The following UNC80 variants were observed in gnomAD, a reference collection of about 807,000 sequenced individuals.
UNC80 encodes the protein unc-80 subunit of NALCN channel complex.
In UNC80, 164 loss-of-function variants were observed where a neutral mutation model predicts 384.6. The observed-to-expected ratio is 0.43, with a 90% CI of 0.38 to 0.49. The LOEUF is 0.49. Among genes scored for constraint, UNC80 ranks in the 20% least tolerant of loss-of-function variants. The pLI is 0.00. For missense variants in UNC80, 3,330 were observed against 4,143.0 expected (o/e 0.80, Z 5.39); for synonymous variants, 1,486 against 1,527.8 (o/e 0.97, Z 0.64).
chr2:209,932,098 A>T (rs568189826), intron 38 of UNC80, among the ~76,000 whole-genome samples: 12 of 152,250 alleles, frequency 7.9e-5, no homozygotes, highest in Admixed American at 7.2e-4. Flanking sequence ...GGATGGGCAC[A>T]AACTCAAGCC....
chr2:209,808,757 C>CCGGCGCTCCTT, intron 7 of UNC80: 1 of 42,406 alleles, frequency 2.4e-5, no homozygotes, highest in Non-Finnish European at 3.8e-5. Context: ...GAGTGGGTCG[C>CCGGCGCTCCTT]CTGCGCTACT....
intron 25 of UNC80, among the ~76,000 whole-genome samples, chr2:209,883,511 A>T (rs974455707): frequency 6.7e-6 from 1 of 149,678 alleles, no homozygotes; most frequent in African/African-American, 2.5e-5. Flanking sequence ...GCTCACTGCA[A>T]GCTCTGCCTC....
In UNC80 at chr2:209,872,112, C is replaced by T. The variant is rs2084355377; in HGVS notation, c.3628-646C>T. ...ACACCTCCCAGGTTCAAGCCTCAGCCTCCTGAGTAGCTGGGACTACAAGCA... is the reference window on the plus strand; with the variant it reads ...ACACCTCCCAGGTTCAAGCCTCAGCTTCCTGAGTAGCTGGGACTACAAGCA... On this transcript the variant is annotated intron_variant, in intron 22 of 64. Coordinates refer to ENST00000673920, the MANE Select transcript of UNC80 (RefSeq NM_001371986.1). This position sits in a 1 kb window ranked among gnomAD's most constrained non-coding sequence, Gnocchi z 4.1. Among the ~76,000 whole-genome samples the T allele has an allele frequency of 6.6e-6, 1 of 152,126 alleles. No individual in the cohort carries two copies. Among genetic ancestry groups the T allele is most frequent in the Non-Finnish European group, 1.5e-5 (1 of 68,034 alleles).
rs565845336 is a variant in UNC80 at position 209,824,409 on chromosome 2, G to C, written c.2332-1498G>C. 3.9e-5 allele frequency among the ~76,000 whole-genome samples: 6 copies of C among 152,252 alleles called. No individual in the cohort carries two copies. In the East Asian group the frequency reaches 1.2e-3, roughly 29 times the overall value. Reference sequence around the variant, plus strand: ...TGAACTGCAGTGTAGTTGTAATAGAGGCCTAAGCTAATCACAGAGGGCTTT... The same window carrying C: ...TGAACTGCAGTGTAGTTGTAATAGACGCCTAAGCTAATCACAGAGGGCTTT... On this transcript the variant is annotated intron_variant, in intron 13 of 64. Coordinates refer to ENST00000673920, the MANE Select transcript of UNC80 (RefSeq NM_001371986.1).
chr2:209,861,207 T>G (rs537226160), intron 22 of UNC80, among the ~76,000 whole-genome samples: 1 of 152,302 alleles, frequency 6.6e-6, no homozygotes, highest in South Asian at 2.1e-4. Context: ...CTCTTATTAT[T>G]TTGAGATATG....
intron 15 of UNC80, among the ~76,000 whole-genome samples, chr2:209,830,786 G>A (rs1483126830): frequency 1.3e-5 from 2 of 152,174 alleles, no homozygotes; most frequent in African/African-American, 2.4e-5. Flanking sequence ...TCCATTCACG[G>A]GCATTTCACA....
chr2:209,973,038 T>C, intron 55 of UNC80, 26 bp from the exon 56 acceptor site: 1 of 1,549,968 alleles, frequency 6.5e-7, no homozygotes, highest in Admixed American at 2.0e-5. Flanking sequence ...TCTTTCCACT[T>C]CCGTCTTCCA....
chr2:209,870,750 T>C (rs1325916263), intron 22 of UNC80, among the ~76,000 whole-genome samples: 2 of 152,212 alleles, frequency 1.3e-5, no homozygotes, highest in African/African-American at 4.8e-5. Flanking sequence ...GGAACTAACT[T>C]ACTTGAATCA....
intron 33 of UNC80, among the ~76,000 whole-genome samples, chr2:209,920,652 T>C (rs2089958683): frequency 1.3e-5 from 2 of 152,218 alleles, no homozygotes; most frequent in Admixed American, 1.3e-4. Context: ...CTCATATTTT[T>C]CATTCCATAA....
intron 25 of UNC80, among the ~76,000 whole-genome samples, chr2:209,882,553 T>C (rs901758804): frequency 6.6e-6 from 1 of 152,212 alleles, no homozygotes; most frequent in Non-Finnish European, 1.5e-5. Context: ...GAGAAGTTTC[T>C]TCTACTGCCC....
intron 21 of UNC80, among the ~76,000 whole-genome samples, chr2:209,846,368 T>C (rs1195185111): frequency 6.6e-6 from 1 of 152,144 alleles, no homozygotes. Context: ...AAAATCATGT[T>C]GTCTCTATTT....
chr2:209,843,817 T>C (rs756448257), intron 21 of UNC80, among the ~76,000 whole-genome samples: 14 of 152,182 alleles, frequency 9.2e-5, no homozygotes, highest in Non-Finnish European at 1.8e-4. Flanking sequence ...ACCATACAGT[T>C]AATTTTCTAG....
At chr2:209,916,469 T>C (rs982939018) in intron 31 of UNC80, among the ~76,000 whole-genome samples, 1 of 152,194 alleles carries the variant, frequency 6.6e-6, no homozygotes, top group African/African-American at 2.4e-5. Context: ...GTAGAGATTA[T>C]GATAGAACTC....
At chr2:209,965,215 T>TAA (rs779219037) in intron 51 of UNC80, among the ~76,000 whole-genome samples, 1 of 151,972 alleles carries the variant, frequency 6.6e-6, no homozygotes, top group Non-Finnish European at 1.5e-5. Flanking sequence ...GGCAGGCAGA[T>TAA]TGCTTGAGTC....
rs188774213 is a variant in UNC80 at position 209,847,031 on chromosome 2, T to C, written c.3455-2420T>C. Among the ~76,000 whole-genome samples, 334 of 152,212 alleles carry C rather than the reference T, an allele frequency of 2.2e-3. 1 individual carries two copies. The highest frequency in any genetic ancestry group is 7.5e-3 in the African/African-American group (313 of 41,568). ...CCTTCTTCCATATAAACATTTGGTA[T>C]TTTAGAGATTACATTGTGGCATTGT... On this transcript the variant is annotated intron_variant, in intron 21 of 64. Transcript: ENST00000673920.
chr2:209,787,748 T>C lies in UNC80; in HGVS notation c.724+1559T>C, dbSNP rs2077531747. Among the ~76,000 whole-genome samples, 3 of 152,250 alleles carry C rather than the reference T, an allele frequency of 2.0e-5. No individual in the cohort carries two copies. The South Asian group carries it at 6.2e-4, about 32-fold the overall frequency. On this transcript the variant is annotated intron_variant, in intron 5 of 64. Transcript: ENST00000673920. ...TATATACGCACATAATACTTTATAA[T>C]AATAACCAACAAGTATATAACTGGT...
intron 15 of UNC80, 144 bp from the exon 16 acceptor site, chr2:209,831,299 A>G: frequency 1.2e-6 from 1 of 828,314 alleles, no homozygotes; most frequent in Admixed American, 3.5e-5. Flanking sequence ...CCTAGAGATT[A>G]TTAAACCTGG....
At position 209,997,167 on chromosome 2, in the gene UNC80, G is replaced by A. The variant is rs1367343829; in HGVS notation, c.*1572G>A. On this transcript the variant is annotated 3_prime_UTR_variant, in exon 65 of 65. Transcript: ENST00000673920. ...GGGGTTATGGTCCTATTCACTAAGA[G>A]AATGAAAGATATCCATGAGTTAAAA... 6.6e-6 allele frequency: 1 copy of A among 152,092 alleles called. No homozygotes were observed. The highest frequency in any genetic ancestry group is 2.4e-5 in the African/African-American group (1 of 41,402). 9.4% of individuals were successfully genotyped at this position (152,092 alleles called of 1,614,324 possible).
chr2:209,795,746 T>A (rs1004460565), intron 7 of UNC80: 1 of 152,240 alleles, frequency 6.6e-6, no homozygotes, highest in Non-Finnish European at 1.5e-5. Flanking sequence ...CCATGTGGTG[T>A]TGAGCCTGCA....
Sources: gnomAD v4.1 joint callset for allele counts (sites outside exome capture counted in the v4.1 genomes callset) on GRCh38, gnomAD v4.1.1 for gene constraint, Gnocchi (gnomAD v3.1) non-coding constraint, MANE v1.5 for transcripts, NCBI Gene and HGNC (gene_info 2026-07-23, HGNC 2026-07-21) for gene names.